Variants in CHD8 observed in about 807,000 individuals in gnomAD.
The protein encoded by CHD8 is chromodomain helicase DNA binding protein 8.
A neutral mutation model predicts 279.2 loss-of-function variants in CHD8; 31 were observed. That is an observed-to-expected ratio of 0.11 (90% CI 0.08 to 0.15). CHD8 has a LOEUF of 0.15. Among genes scored for constraint, CHD8 ranks in the 10% least tolerant of loss-of-function variants. CHD8 has a pLI of 1.00. For synonymous variants in CHD8, 1,081 were observed against 1,139.6 expected (o/e 0.95, Z 1.04); for missense variants, 2,146 against 3,230.5 (o/e 0.66, Z 8.14).
chr14:21,388,530 A>G (rs1158967124), intron 37 of CHD8, among the ~76,000 whole-genome samples: 1 of 152,122 alleles, frequency 6.6e-6, no homozygotes, highest in Non-Finnish European at 1.5e-5. Flanking sequence ...CTCACACTCT[A>G]TTGCCCAGGC....
At position 21,393,931 on chromosome 14, in the gene CHD8, A is replaced by C; in HGVS notation, c.5864T>G (p.Phe1955Cys). The C allele has an allele frequency of 6.2e-7, 1 of 1,613,776 alleles. No individual in the cohort carries two copies. ...TDCNIMQDPD[F>C]SFLAARMNYM... Reference sequence around the variant, plus strand: ...ATTCATACGGGCAGCCAGAAAAGAGAAGTCTGGGTCCTGCATGATGTTGCA... The same window carrying C: ...ATTCATACGGGCAGCCAGAAAAGAGCAGTCTGGGTCCTGCATGATGTTGCA... Residue 1955 changes from phenylalanine (F) to cysteine (C), a missense_variant, in exon 32 of 38, where the codon TTC becomes TGC. Phe to Cys is a radical substitution (Grantham distance 205). This residue lies in a region of CHD8 where 513 missense variants were observed against 637.6 expected (regional missense o/e 0.80). Coordinates refer to ENST00000646647, the MANE Select transcript of CHD8 (RefSeq NM_001170629.2).
At chr14:21,389,909 A>G (rs1361597537) in intron 37 of CHD8, among the ~76,000 whole-genome samples, 1 of 152,146 alleles carries the variant, frequency 6.6e-6, no homozygotes, top group African/African-American at 2.4e-5. Context: ...TCCTTAGAAG[A>G]CCTCTCCAAA....
chr14:21,422,717 CAG>C (rs1347890656), intron 5 of CHD8, among the ~76,000 whole-genome samples: 2 of 152,056 alleles, frequency 1.3e-5, no homozygotes, highest in African/African-American at 4.8e-5. Flanking sequence ...CGCTTGAGGT[CAG>C]GAGTTGAACG....
rs753715363 is a variant in CHD8 at position 21,403,095 on chromosome 14, A to C, written c.3636T>G (p.Gly1212=). Reference sequence around the variant, plus strand: ...CAGCTGTAAGATTAATACCAAGTCCACCAGCCCGGGTACACAGTAAGAAGA... The same window carrying C: ...CAGCTGTAAGATTAATACCAAGTCCCCCAGCCCGGGTACACAGTAAGAAGA... The part of the protein sequence containing the change: ...RFVFLLCTRA[G]GLGINLTAAD... Residue 1212 remains glycine (G), a synonymous_variant, in exon 18 of 38, where the codon GGT becomes GGG. Coordinates refer to ENST00000646647, the MANE Select transcript of CHD8 (RefSeq NM_001170629.2). This position sits in a 1 kb window ranked among gnomAD's most constrained non-coding sequence, Gnocchi z 4.3. 2 of 1,614,078 alleles carry C rather than the reference A, an allele frequency of 1.2e-6. No homozygotes were observed. The highest frequency in any genetic ancestry group is 1.7e-6 in the Non-Finnish European group (2 of 1,179,928).
At chr14:21,441,699 T>C (rs186585626) in intron 1 of CHD8, among the ~76,000 whole-genome samples, 24 of 151,994 alleles carry the variant, frequency 1.6e-4, no homozygotes, top group East Asian at 7.8e-4. Context: ...CCATCCTGGC[T>C]AACACGGTGA....
Position 21,400,010 on chromosome 14 carries a change from T to C in CHD8, c.4788A>G (p.Ala1596=), listed in dbSNP as rs758621174. 1 of 1,613,490 alleles carries C rather than the reference T, an allele frequency of 6.2e-7. No individual in the cohort carries two copies. Among genetic ancestry groups the C allele is most frequent in the African/African-American group, 1.3e-5 (1 of 74,896 alleles). ...CAATCGCACCCCCTAACACCTTTTC[T>C]GCTTGGTCTCCAATAACCTCCTGCC... ...YLRQEVIGDQ[A]EKVLGGAIAS... Residue 1596 remains alanine, a synonymous_variant, in exon 25 of 38, where the codon GCA becomes GCG. Coordinates refer to ENST00000646647, the MANE Select transcript of CHD8 (RefSeq NM_001170629.2). The surrounding 1 kb of genome is among the most constrained non-coding windows in gnomAD (Gnocchi z 4.2).
At chr14:21,451,188 G>A (rs1409880514) in intron 1 of CHD8, among the ~76,000 whole-genome samples, 1 of 152,134 alleles carries the variant, frequency 6.6e-6, no homozygotes, top group Non-Finnish European at 1.5e-5. Context: ...ATCTGAATTT[G>A]AAGAGGTTAG....
At chr14:21,442,575 T>C (rs939697869) in intron 1 of CHD8, among the ~76,000 whole-genome samples, 10 of 148,772 alleles carry the variant, frequency 6.7e-5, no homozygotes, top group African/African-American at 2.2e-4. Context: ...CAGTGAGCCA[T>C]GTTCATGACA....
chr14:21,402,289 A>G lies in CHD8; in HGVS notation c.3882+47T>C, dbSNP rs781036960. 17 of 1,601,376 alleles carry G rather than the reference A, an allele frequency of 1.1e-5. No individual in the cohort carries two copies. The East Asian group carries it at 1.1e-4, about 11-fold the overall frequency. ...GTACAAATAGCTTTTGTTTCCCTCT[A>G]TCACAATGATCTACTACAAACTTAT... On this transcript the variant is annotated intron_variant, in intron 19 of 37. Transcript: ENST00000646647. This position sits in a 1 kb window ranked among gnomAD's most constrained non-coding sequence, Gnocchi z 4.5.
intron 37 of CHD8, among the ~76,000 whole-genome samples, chr14:21,390,198 T>C (rs1025609898): frequency 7.2e-5 from 11 of 152,184 alleles, no homozygotes; most frequent in Admixed American, 6.5e-4. Context: ...ATGGTGCCAC[T>C]GCACTCCAGC....
rs557402430 is a variant in CHD8, at chr14:21,391,662, C to T, written c.6886-20G>A. 232 of 1,578,006 alleles carry T rather than the reference C, an allele frequency of 1.5e-4. 1 individual carries two copies. Among genetic ancestry groups the T allele is most frequent in the South Asian group, 3.0e-4 (25 of 83,922 alleles). ...CTCCAGCTGCAAACCCAGAATCCAC[C>T]CCCATGAGCACATACTCTTCTTTGG... On this transcript the variant is annotated intron_variant, in intron 35 of 37. Transcript: ENST00000646647.
rs537260960 is a variant in CHD8 at position 21,408,926 on chromosome 14, G to A, written c.2365-101C>T. ...GTTAAAATCAATTCAAAACAACATTGTTTGGATTAAAACATGTCAAATATA... is the reference window on the plus strand; with the variant it reads ...GTTAAAATCAATTCAAAACAACATTATTTGGATTAAAACATGTCAAATATA... On this transcript the variant is annotated intron_variant, in intron 11 of 37. Transcript: ENST00000646647. The surrounding 1 kb of genome is among the most constrained non-coding windows in gnomAD (Gnocchi z 4.3). The A allele has an allele frequency of 2.5e-6, 3 of 1,205,406 alleles. No homozygotes were observed. Among genetic ancestry groups the A allele is most frequent in the Non-Finnish European group, 2.3e-6 (2 of 867,392 alleles). 74.7% of individuals were successfully genotyped at this position (1,205,406 alleles called of 1,614,324 possible). A position where few individuals can be genotyped will look rare whatever the true frequency, so the allele number is the denominator to read the frequency against.
At chr14:21,396,084 C>T (rs1887770204) in intron 27 of CHD8, among the ~76,000 whole-genome samples, 192 bp from the exon 28 acceptor site, 1 of 152,116 alleles carries the variant, frequency 6.6e-6, no homozygotes, top group Non-Finnish European at 1.5e-5. Context: ...GTAGCCTCAA[C>T]CTCCTGGACT....
At chr14:21,392,348 C>A in intron 34 of CHD8, 159 bp downstream of exon 34, 1 of 806,502 alleles carries the variant, frequency 1.2e-6, no homozygotes, top group Non-Finnish European at 2.0e-6. Flanking sequence ...GGAAAACAAC[C>A]AGGAAAAATG....
At chr14:21,419,385 C>T (rs991869027) in intron 5 of CHD8, among the ~76,000 whole-genome samples, 1 of 152,058 alleles carries the variant, frequency 6.6e-6, no homozygotes, top group African/African-American at 2.4e-5. Flanking sequence ...ATGGTGAAAC[C>T]CCGTCTCTAC....
At position 21,441,615 on chromosome 14, in the gene CHD8, G is replaced by A. The variant is rs189740960; in HGVS notation, c.-215-9757C>T. Among the ~76,000 whole-genome samples, 67 of 152,174 alleles carry A rather than the reference G, an allele frequency of 4.4e-4. No individual in the cohort carries two copies. The East Asian group carries it at 7.4e-3, about 17-fold the overall frequency. ...GAAAATGAGCTGCCTAGAGCTGGGCGTGGTGGCTCATGCCTGTAATCCCAG... is the reference window on the plus strand; with the variant it reads ...GAAAATGAGCTGCCTAGAGCTGGGCATGGTGGCTCATGCCTGTAATCCCAG... On this transcript the variant is annotated intron_variant, in intron 1 of 37. Transcript: ENST00000646647.
intron 5 of CHD8, among the ~76,000 whole-genome samples, chr14:21,422,652 G>A (rs1889097572): frequency 6.6e-6 from 1 of 152,220 alleles, no homozygotes. Flanking sequence ...ATGTAGCCAA[G>A]TGCAGTGGCT....
chr14:21,452,771 G>A (rs994088338), intron 1 of CHD8, among the ~76,000 whole-genome samples: 4 of 152,040 alleles, frequency 2.6e-5, no homozygotes, highest in African/African-American at 7.2e-5. Context: ...CGATCATGAG[G>A]TCAGGAGTTA....
At chr14:21,425,693 G>A (rs1889283330) in intron 5 of CHD8, 1 of 155,322 alleles carries the variant, frequency 6.4e-6, no homozygotes, top group Non-Finnish European at 1.4e-5. Context: ...CTGACCAGTG[G>A]GAGGCCAAGG....
Sources: gnomAD v4.1 joint callset for allele counts (sites outside exome capture counted in the v4.1 genomes callset) on GRCh38, gnomAD v4.1.1 for gene constraint, gnomAD v4.1.1 regional missense constraint, Gnocchi (gnomAD v3.1) non-coding constraint, MANE v1.5 for transcripts, NCBI Gene and HGNC (gene_info 2026-07-23, HGNC 2026-07-21) for gene names.